The following SGCZ variants were observed in gnomAD, a reference collection of about 807,000 sequenced individuals.
SGCZ encodes the protein zeta-sarcoglycan.
SGCZ carries 40 observed loss-of-function variants against 41.3 expected under a neutral mutation model. That is an observed-to-expected ratio of 0.97 (90% CI 0.75 to 1.26). The LOEUF (loss-of-function observed/expected upper bound fraction) is 1.26. Among genes scored for constraint, SGCZ ranks in the 50% most tolerant of loss-of-function variants. The probability of loss-of-function intolerance (pLI) is 0.00; values close to 1 mark genes in which losing one functional copy is unlikely to be tolerated. For synonymous variants in SGCZ, 206 were observed against 137.5 expected, an observed-to-expected ratio of 1.50 and a Z score of -3.49; for missense variants, 552 against 369.8, an observed-to-expected ratio of 1.49 and a Z score of -4.04.
intron 2 of SGCZ, among the ~76,000 whole-genome samples, chr8:14,484,150 A>C (rs1801609808): frequency 6.6e-6 from 1 of 152,174 alleles, no homozygotes; most frequent in African/African-American, 2.4e-5. Context: ...CAAACTGGTT[A>C]TACACTATAT....
At chr8:14,393,982 G>A (rs190602872) in intron 2 of SGCZ, among the ~76,000 whole-genome samples, 3 of 152,068 alleles carry the variant, frequency 2.0e-5, no homozygotes, top group South Asian at 2.1e-4. Flanking sequence ...TTTGATATGT[G>A]TACTTTAAAG....
chr8:14,858,535 G>A (rs971966363), intron 1 of SGCZ, among the ~76,000 whole-genome samples: 6 of 152,074 alleles, frequency 3.9e-5, no homozygotes, highest in Non-Finnish European at 8.8e-5. Flanking sequence ...GACTATTTTA[G>A]CCTTTTTAGC....
intron 5 of SGCZ, among the ~76,000 whole-genome samples, chr8:14,118,060 T>C (rs1802579099): frequency 6.6e-6 from 1 of 151,982 alleles, no homozygotes; most frequent in Non-Finnish European, 1.5e-5. Flanking sequence ...GCATGTGTCT[T>C]TATAGTAGAA....
intron 2 of SGCZ, among the ~76,000 whole-genome samples, chr8:14,532,963 A>G (rs1195950245): frequency 1.3e-5 from 2 of 151,638 alleles, no homozygotes; most frequent in African/African-American, 4.8e-5. Flanking sequence ...GACCAAATAC[A>G]TTTTTCCCTC....
At chr8:14,803,673 G>A (rs1369436147) in intron 1 of SGCZ, among the ~76,000 whole-genome samples, 1 of 152,032 alleles carries the variant, frequency 6.6e-6, no homozygotes, top group East Asian at 1.9e-4. Context: ...CCATTGCCCA[G>A]GCTTGCTTAG....
In SGCZ at chr8:14,868,737, C is replaced by G. The variant is rs568029310; in HGVS notation, c.40-313811G>C. On this transcript the variant is annotated intron_variant, in intron 1 of 7. Transcript: ENST00000382080. ...GAACATATCTTCTTATAATAAGCCTCAAAATTCTTCCGTGTTTCTACTTGA... is the reference window on the plus strand; with the variant it reads ...GAACATATCTTCTTATAATAAGCCTGAAAATTCTTCCGTGTTTCTACTTGA... Among the ~76,000 whole-genome samples, 3 of 152,120 alleles carry G rather than the reference C, an allele frequency of 2.0e-5. No individual in the cohort carries two copies. In the South Asian group the frequency reaches 6.2e-4, roughly 32 times the overall value.
At chr8:14,468,019 A>T (rs921073899) in intron 2 of SGCZ, among the ~76,000 whole-genome samples, 1 of 152,102 alleles carries the variant, frequency 6.6e-6, no homozygotes, top group Non-Finnish European at 1.5e-5. Flanking sequence ...TTAGTTCCTA[A>T]GTGTTAATAA....
chr8:14,294,019 T>C (rs975658358), intron 3 of SGCZ, among the ~76,000 whole-genome samples: 4 of 151,864 alleles, frequency 2.6e-5, no homozygotes, highest in Admixed American at 6.6e-5. Flanking sequence ...TAGAACACTA[T>C]TTTTTCTAGA....
chr8:14,780,112 G>A (rs1404965747), intron 1 of SGCZ, among the ~76,000 whole-genome samples: 1 of 151,960 alleles, frequency 6.6e-6, no homozygotes, highest in Non-Finnish European at 1.5e-5. Flanking sequence ...AGTGGCTCAC[G>A]CCTGTAATCC....
chr8:15,186,499 G>C (rs1423170869), intron 1 of SGCZ, among the ~76,000 whole-genome samples: 2 of 152,036 alleles, frequency 1.3e-5, no homozygotes, highest in African/African-American at 4.8e-5. Flanking sequence ...TCAAAGAATG[G>C]TGAACACAGT....
chr8:15,152,813 C>T lies in SGCZ; in HGVS notation c.39+84772G>A, dbSNP rs145163136. 6.0e-3 allele frequency among the ~76,000 whole-genome samples: 914 copies of T among 152,276 alleles called. 7 individuals are homozygous for T. The highest frequency in any genetic ancestry group is 0.021 in the African/African-American group (879 of 41,556). Reference sequence around the variant, plus strand: ...TCTAGAGCAAAAATACCTACACCCTCCTAAGTACCTATATCAGATAAACTG... The same window carrying T: ...TCTAGAGCAAAAATACCTACACCCTTCTAAGTACCTATATCAGATAAACTG... On this transcript the variant is annotated intron_variant, in intron 1 of 7. Coordinates refer to ENST00000382080, the MANE Select transcript of SGCZ (RefSeq NM_139167.4).
At chr8:14,616,940 C>G (rs765196333) in intron 1 of SGCZ, among the ~76,000 whole-genome samples, 1 of 152,026 alleles carries the variant, frequency 6.6e-6, no homozygotes, top group Non-Finnish European at 1.5e-5. Context: ...TCTGCTATTT[C>G]CCAGCTATAT....
At chr8:14,892,519 C>T (rs762210249) in intron 1 of SGCZ, among the ~76,000 whole-genome samples, 11 of 152,036 alleles carry the variant, frequency 7.2e-5, no homozygotes, top group Non-Finnish European at 1.3e-4. Flanking sequence ...TGGATAAAGC[C>T]AACATTAACT....
intron 2 of SGCZ, among the ~76,000 whole-genome samples, chr8:14,471,696 T>C (rs1256663864): frequency 6.6e-6 from 1 of 152,124 alleles, no homozygotes; most frequent in Non-Finnish European, 1.5e-5. Flanking sequence ...CTAAATATTA[T>C]GAAGCTATTC....
chr8:14,690,711 G>T (rs2057731615), intron 1 of SGCZ: 1 of 152,136 alleles, frequency 6.6e-6, no homozygotes, highest in Non-Finnish European at 1.5e-5. Flanking sequence ...AACCAGTTAA[G>T]TTAGTTCCTT....
chr8:14,408,398 C>A (rs914889175), intron 2 of SGCZ, among the ~76,000 whole-genome samples: 4 of 152,052 alleles, frequency 2.6e-5, no homozygotes, highest in African/African-American at 4.8e-5. Flanking sequence ...CACTTATTTC[C>A]TCCTCTCGTC....
intron 4 of SGCZ, among the ~76,000 whole-genome samples, chr8:14,213,493 T>A (rs1382235961): frequency 1.3e-5 from 2 of 151,968 alleles, no homozygotes; most frequent in African/African-American, 4.8e-5. Context: ...CACCTTCTTA[T>A]ACAAAGAAAA....
chr8:14,133,516 G>A (rs1803103656), intron 5 of SGCZ, among the ~76,000 whole-genome samples: 1 of 152,072 alleles, frequency 6.6e-6, no homozygotes, highest in African/African-American at 2.4e-5. Flanking sequence ...GGTCTTCTCT[G>A]CTTCCTCTGG....
At chr8:14,665,776 G>A (rs1217251889) in intron 1 of SGCZ, among the ~76,000 whole-genome samples, 1 of 152,098 alleles carries the variant, frequency 6.6e-6, no homozygotes, top group Non-Finnish European at 1.5e-5. Flanking sequence ...TAATGTCTGT[G>A]TAGAAATCTT....
Sources: allele counts gnomAD v4.1 joint callset (sites outside exome capture counted in the v4.1 genomes callset), GRCh38; gene constraint gnomAD v4.1.1; transcripts MANE v1.5; gene names NCBI Gene and HGNC (gene_info 2026-07-23, HGNC 2026-07-21).